TMCO4: variants seen among roughly 807,000 people sequenced by gnomAD.
TMCO4 encodes the protein transmembrane and coiled-coil domain-containing protein 4.
In TMCO4, 58 loss-of-function variants were observed where a neutral mutation model predicts 64.7. The observed-to-expected ratio is 0.90, with a 90% confidence interval of 0.73 to 1.12. The LOEUF is 1.12. TMCO4 is among the 50% of genes most tolerant of loss of function. The pLI, the probability that TMCO4 is intolerant of heterozygous loss-of-function variation, is 0.00. For synonymous variants in TMCO4, 325 were observed against 346.1 expected (o/e 0.94, Z 0.68); for missense variants, 780 against 825.9 (o/e 0.94, Z 0.68).
At position 19,739,805 on chromosome 1, in the gene TMCO4, C is replaced by CA. The variant is rs2095470771; in HGVS notation, c.1179+18dup. ...CCCCTCTTGCTCAATGCCACGCCCA[C>CA]ACAGCCATTCCCAGGTACCTGCTGC... On this transcript the variant is annotated intron_variant, in intron 12 of 15. Coordinates refer to ENST00000294543, the MANE Select transcript of TMCO4 (RefSeq NM_181719.7). The CA allele has an allele frequency of 6.2e-7, 1 of 1,610,302 alleles. No homozygotes were observed. The highest frequency in any genetic ancestry group is 8.5e-7 in the Non-Finnish European group (1 of 1,178,430).
intron 4 of TMCO4, among the ~76,000 whole-genome samples, chr1:19,780,215 C>G (rs78607910): frequency 0.016 from 2,374 of 152,308 alleles, 68 homozygotes; most frequent in African/African-American, 0.054. Context: ...AACTCAACCT[C>G]TCTGCACTTA....
At chr1:19,774,751 C>T (rs978138460) in intron 4 of TMCO4, among the ~76,000 whole-genome samples, 7 of 152,210 alleles carry the variant, frequency 4.6e-5, no homozygotes, top group African/African-American at 1.7e-4. Context: ...GAGCTTCGTA[C>T]ACCTTGAGTT....
intron 4 of TMCO4, among the ~76,000 whole-genome samples, chr1:19,776,712 T>C (rs2043218536): frequency 6.6e-6 from 1 of 152,036 alleles, no homozygotes; most frequent in Admixed American, 6.6e-5. Flanking sequence ...GCAGAACTCA[T>C]CTCCCATGAT....
chr1:19,755,894 T>C (rs750093751), intron 6 of TMCO4, 128 bp from the exon 7 acceptor site: 22 of 1,043,494 alleles, frequency 2.1e-5, no homozygotes, highest in Non-Finnish European at 2.8e-5. Flanking sequence ...AGCCAGTCAA[T>C]GAAAAAAATG....
chr1:19,692,407 T>G (rs752945203), intron 15 of TMCO4, among the ~76,000 whole-genome samples: 8 of 152,204 alleles, frequency 5.3e-5, no homozygotes, highest in South Asian at 2.1e-4. Context: ...TGACCTTGTC[T>G]GTACAATGGG....
At chr1:19,715,488 C>T (rs759831824) in intron 13 of TMCO4, among the ~76,000 whole-genome samples, 2 of 152,140 alleles carry the variant, frequency 1.3e-5, no homozygotes, top group African/African-American at 2.4e-5. Context: ...CCTGTCACAG[C>T]GAGTATCTGA....
At chr1:19,696,019 C>G (rs2095234103) in intron 14 of TMCO4, among the ~76,000 whole-genome samples, 1 of 152,154 alleles carries the variant, frequency 6.6e-6, no homozygotes, top group African/African-American at 2.4e-5. Flanking sequence ...CTCCCCGCCC[C>G]ATGGATGAAT....
rs1301315739 is a variant in TMCO4 at position 19,797,779 on chromosome 1, G to A, written c.-101+358C>T. 4.0e-5 allele frequency among the ~76,000 whole-genome samples: 6 copies of A among 151,294 alleles called. No individual in the cohort carries two copies. In the East Asian group the frequency reaches 9.8e-4, roughly 25 times the overall value. On this transcript the variant is annotated intron_variant, in intron 2 of 15. Coordinates refer to ENST00000294543, the MANE Select transcript of TMCO4 (RefSeq NM_181719.7). ...CTTGGAAGCCTGAGGCAGGAGAACC[G>A]CTTGAACCTGGGAGGCGGAGGTTGC... is the stretch of plus-strand genomic sequence containing the variant.
intron 13 of TMCO4, among the ~76,000 whole-genome samples, chr1:19,730,723 A>C (rs371435577): frequency 2.6e-5 from 4 of 152,296 alleles, no homozygotes. Flanking sequence ...GAAGACAGTT[A>C]ATTCTACAGG....
chr1:19,790,548 T>A (rs977069421), intron 2 of TMCO4, among the ~76,000 whole-genome samples: 1 of 151,396 alleles, frequency 6.6e-6, no homozygotes, highest in Non-Finnish European at 1.5e-5. Flanking sequence ...AAGAAACATA[T>A]GAAAAAAAAA....
At chr1:19,750,528 C>T (rs2041982710) in intron 7 of TMCO4, among the ~76,000 whole-genome samples, 1 of 152,172 alleles carries the variant, frequency 6.6e-6, no homozygotes, top group Non-Finnish European at 1.5e-5. Flanking sequence ...CAGCCAATGC[C>T]AAGTATTAAT....
chr1:19,787,918 G>A (rs2043825539), intron 2 of TMCO4, among the ~76,000 whole-genome samples: 1 of 152,046 alleles, frequency 6.6e-6, no homozygotes, highest in African/African-American at 2.4e-5. Flanking sequence ...ACCATGCCTG[G>A]CTAATTTTTC....
In TMCO4 at chr1:19,699,254, T is replaced by C. The variant is rs571072116; in HGVS notation, c.1382+1514A>G. 1.4e-4 allele frequency among the ~76,000 whole-genome samples: 21 copies of C among 152,078 alleles called. No individual in the cohort carries two copies. The East Asian group carries it at 2.7e-3, about 20-fold the overall frequency. On this transcript the variant is annotated intron_variant, in intron 14 of 15. Transcript: ENST00000294543. ...GCCAAGTAATAAACATTATAACTGTTATCATTTATTGGGCACCTACTAAGT... is the reference window on the plus strand; with the variant it reads ...GCCAAGTAATAAACATTATAACTGTCATCATTTATTGGGCACCTACTAAGT...
intron 13 of TMCO4, among the ~76,000 whole-genome samples, chr1:19,710,240 G>C (rs1009921207): frequency 6.6e-6 from 1 of 151,030 alleles, no homozygotes; most frequent in African/African-American, 2.4e-5. Context: ...CCAAGTAACT[G>C]GGACTACAGG....
intron 5 of TMCO4, 89 bp from the exon 6 acceptor site, chr1:19,770,658 A>G: frequency 1.5e-6 from 2 of 1,346,430 alleles, no homozygotes; most frequent in Non-Finnish European, 2.1e-6. Context: ...ACCAAGTGGC[A>G]GAACAAGACA....
In TMCO4 at chr1:19,732,689, G is replaced by A. The variant is rs1486025243; in HGVS notation, c.1264+4683C>T. ...GAGGATTGCTTGAGACCAGGAGTTC[G>A]AGACCAGCCTCGGCAACACAGGGAG... On this transcript the variant is annotated intron_variant, in intron 13 of 15. Transcript: ENST00000294543. This position sits in a 1 kb window ranked among gnomAD's most constrained non-coding sequence, Gnocchi z 4.8. Among the ~76,000 whole-genome samples the A allele has an allele frequency of 6.6e-6, 1 of 151,818 alleles. No homozygotes were observed. The highest frequency in any genetic ancestry group is 1.5e-5 in the Non-Finnish European group (1 of 67,922).
At position 19,771,480 on chromosome 1, in the gene TMCO4, G is replaced by T; in HGVS notation, c.182C>A (p.Ser61Tyr). Residue 61 changes from serine (S) to tyrosine (Y), a missense_variant and splice_region_variant, in exon 5 of 16, where the codon TCC (serine) becomes TAC (tyrosine). Physicochemically the swap from Ser to Tyr is moderately radical, Grantham distance 144. Coordinates refer to ENST00000294543, the MANE Select transcript of TMCO4 (RefSeq NM_181719.7). Reference sequence around the variant, plus strand: ...GCCTGCCATGAACTCTGTGCAGAAGGAGCTGAAAGGCAGACATGGCTTAGT... The same window carrying T: ...GCCTGCCATGAACTCTGTGCAGAAGTAGCTGAAAGGCAGACATGGCTTAGT... ...SQLFPEPEHS[S>Y]FCTEFMAGLV... is the part of the protein sequence containing the mutation. 2 of 1,613,558 alleles carry T rather than the reference G, an allele frequency of 1.2e-6. No individual in the cohort carries two copies. Among genetic ancestry groups the T allele is most frequent in the Non-Finnish European group, 1.7e-6 (2 of 1,179,836 alleles).
At chr1:19,692,661 C>A (rs1026293795) in intron 15 of TMCO4, among the ~76,000 whole-genome samples, 1 of 151,060 alleles carries the variant, frequency 6.6e-6, no homozygotes, top group African/African-American at 2.4e-5. Context: ...GCAGGAGAAT[C>A]GCTTGAACCT....
chr1:19,745,659 C>G lies in TMCO4; in HGVS notation c.758-8G>C. 6.2e-7 allele frequency: 1 copy of G among 1,600,964 alleles called. No homozygotes were observed. Among genetic ancestry groups the G allele is most frequent in the Non-Finnish European group, 8.5e-7 (1 of 1,171,754 alleles). The stretch of plus-strand genomic sequence containing the variant: ...GCTTCTTCATCTTGTATCCTAAAGA[C>G]CCAGATCCGAGAAAGAGAATGGAGG... On this transcript the variant is annotated splice_polypyrimidine_tract_variant and splice_region_variant and intron_variant, in intron 9 of 15. Transcript: ENST00000294543.
Sources: allele counts gnomAD v4.1 joint callset (sites outside exome capture counted in the v4.1 genomes callset), GRCh38; gene constraint gnomAD v4.1.1; non-coding constraint Gnocchi (gnomAD v3.1); transcripts MANE v1.5; gene names NCBI Gene and HGNC (gene_info 2026-07-23, HGNC 2026-07-21).